JARID2: variants seen among roughly 807,000 people sequenced by gnomAD.
JARID2 encodes jumonji and AT-rich interaction domain containing 2, also known as protein Jumonji.
A neutral mutation model predicts 125.6 loss-of-function variants in JARID2; 21 were observed. The ratio of observed to expected loss-of-function variants is 0.17; its 90% CI spans 0.12 to 0.24. JARID2 has a LOEUF of 0.24. Ranked by LOEUF, JARID2 falls within the 10% of genes least tolerant of loss-of-function variation. The pLI, the probability that JARID2 is intolerant of heterozygous loss-of-function variation, is 1.00. For missense variants in JARID2, 1,303 were observed against 1,639.6 expected (o/e 0.79, Z 3.55); for synonymous variants, 736 against 661.6 (o/e 1.11, Z -1.73).
At chr6:15,428,668 G>A (rs1056625344) in intron 3 of JARID2, among the ~76,000 whole-genome samples, 2 of 152,152 alleles carry the variant, frequency 1.3e-5, no homozygotes, top group African/African-American at 4.8e-5. Flanking sequence ...CACTTTGAGA[G>A]GCCAAGACTG....
chr6:15,468,671 C>T lies in JARID2; in HGVS notation c.623C>T (p.Ser208Leu), dbSNP rs182974887. The change falls in exon 5 of 18, where the codon TCG (serine) becomes TTG (leucine). Residue 208 changes from serine (S) to leucine (L), a missense_variant. Around this residue, in one of 11 missense-constraint regions of JARID2, gnomAD observed 651 missense variants for 581.6 expected, o/e 1.12. Coordinates refer to ENST00000341776, the MANE Select transcript of JARID2 (RefSeq NM_004973.4). The stretch of plus-strand genomic sequence containing the variant: ...AACAATGCTTCATCTTCATGCCAGT[C>T]GACCCCCAGGAAAGGAAAAACCCAC... ...ATNNASSSCQ[S>L]TPRKGKTHKH... 16 of 1,613,758 alleles carry T rather than the reference C, an allele frequency of 9.9e-6. No individual in the cohort carries two copies. Among genetic ancestry groups the T allele is most frequent in the African/African-American group, 2.7e-5 (2 of 74,976 alleles).
chr6:15,344,518 A>AT (rs1380436407), intron 1 of JARID2, among the ~76,000 whole-genome samples: 1 of 150,874 alleles, frequency 6.6e-6, no homozygotes, highest in East Asian at 2.0e-4. Context: ...CAGTTCACCC[A>AT]TTTAAAGTGT....
At chr6:15,251,954 G>A (rs1759472998) in intron 1 of JARID2, among the ~76,000 whole-genome samples, 1 of 151,996 alleles carries the variant, frequency 6.6e-6, no homozygotes, top group South Asian at 2.1e-4. Flanking sequence ...GGAGGTTGCA[G>A]TGAGCCGCTT....
intron 6 of JARID2, among the ~76,000 whole-genome samples, chr6:15,490,379 T>A (rs1278074707): frequency 6.6e-6 from 1 of 152,118 alleles, no homozygotes; most frequent in African/African-American, 2.4e-5. Flanking sequence ...TATAATGAAC[T>A]GTGTGGGTGC....
At chr6:15,379,322 G>A (rs1030779972) in intron 2 of JARID2, among the ~76,000 whole-genome samples, 1 of 152,160 alleles carries the variant, frequency 6.6e-6, no homozygotes, top group Non-Finnish European at 1.5e-5. Flanking sequence ...TGAGCCTTCT[G>A]TCTACTTTTT....
intron 1 of JARID2, among the ~76,000 whole-genome samples, chr6:15,368,142 T>TTG (rs1764041850): frequency 6.6e-6 from 1 of 152,254 alleles, no homozygotes; most frequent in Non-Finnish European, 1.5e-5. Context: ...CCTTTTTGTC[T>TTG]TGTAAAGCAG....
intron 1 of JARID2, among the ~76,000 whole-genome samples, chr6:15,354,658 T>G (rs1763538143): frequency 6.6e-6 from 1 of 152,182 alleles, no homozygotes; most frequent in African/African-American, 2.4e-5. Flanking sequence ...AGTAAACAGC[T>G]GGGATTTGAA....
intron 1 of JARID2, among the ~76,000 whole-genome samples, chr6:15,316,283 G>A (rs1046100116): frequency 1.3e-5 from 2 of 151,976 alleles, no homozygotes; most frequent in Non-Finnish European, 2.9e-5. Context: ...TTTTAGTAGA[G>A]ACAGGGTTTT....
Position 15,507,047 on chromosome 6 carries a change from C to T in JARID2, c.2542-89C>T, listed in dbSNP as rs73724429. 6.9e-5 allele frequency: 55 copies of T among 795,542 alleles called. No homozygotes were observed. The African/African-American group carries it at 8.4e-4, about 12-fold the overall frequency. 49.3% of individuals were successfully genotyped at this position (795,542 alleles called of 1,614,324 possible). A position where few individuals can be genotyped will look rare whatever the true frequency, so the allele number is the denominator to read the frequency against. ...TGTTCTGAGGGGTGTGTGCACCAGG[C>T]ATTCGTGTCCCAGTTTTGTTGGGTT... On this transcript the variant is annotated intron_variant, in intron 9 of 17. Transcript: ENST00000341776.
At chr6:15,433,098 G>A (rs990045059) in intron 3 of JARID2, among the ~76,000 whole-genome samples, 2 of 152,272 alleles carry the variant, frequency 1.3e-5, no homozygotes, top group South Asian at 2.1e-4. Context: ...GCACCACTCC[G>A]AGGGCTCTAT....
At chr6:15,425,960 A>G (rs888490304) in intron 3 of JARID2, among the ~76,000 whole-genome samples, 3 of 152,202 alleles carry the variant, frequency 2.0e-5, no homozygotes, top group Non-Finnish European at 4.4e-5. Flanking sequence ...TGGGTAAGTC[A>G]GTCCTCTTTG....
At chr6:15,382,375 G>A (rs68117211) in intron 2 of JARID2, among the ~76,000 whole-genome samples, 19,719 of 152,234 alleles carry the variant, frequency 0.13, 1,455 homozygotes, top group East Asian at 0.17. Flanking sequence ...GTATATCCAT[G>A]AGCCTTGCAA....
At chr6:15,348,520 T>C (rs1446960117) in intron 1 of JARID2, among the ~76,000 whole-genome samples, 1 of 152,246 alleles carries the variant, frequency 6.6e-6, no homozygotes, top group African/African-American at 2.4e-5. Context: ...GTTCAGAGTC[T>C]TCATAAGCTC....
At chr6:15,383,471 A>G (rs1764668268) in intron 2 of JARID2, among the ~76,000 whole-genome samples, 1 of 151,648 alleles carries the variant, frequency 6.6e-6, no homozygotes, top group African/African-American at 2.4e-5. Context: ...ACATGTTCTT[A>G]TTTTTCCCAT....
At chr6:15,504,659 C>A in intron 9 of JARID2, 67 bp downstream of exon 9, 1 of 970,414 alleles carries the variant, frequency 1.0e-6, no homozygotes, top group Non-Finnish European at 1.7e-6. Flanking sequence ...TGGAGGACAT[C>A]CTGTCCTGCC....
At chr6:15,296,493 C>T (rs1233697661) in intron 1 of JARID2, among the ~76,000 whole-genome samples, 1 of 152,122 alleles carries the variant, frequency 6.6e-6, no homozygotes, top group Admixed American at 6.5e-5. Context: ...CAAATGTTAA[C>T]CATAGCATAT....
chr6:15,299,348 G>C (rs1761523832), intron 1 of JARID2, among the ~76,000 whole-genome samples: 1 of 152,112 alleles, frequency 6.6e-6, no homozygotes, highest in Admixed American at 6.6e-5. Flanking sequence ...GTACAACAGA[G>C]GTGTGTTTGG....
chr6:15,325,824 T>G (rs1183730688), intron 1 of JARID2, among the ~76,000 whole-genome samples: 1 of 152,172 alleles, frequency 6.6e-6, no homozygotes, highest in African/African-American at 2.4e-5. Flanking sequence ...TTCCAGATAC[T>G]ACATGATATG....
chr6:15,331,681 C>G (rs1046252620), intron 1 of JARID2, among the ~76,000 whole-genome samples: 1 of 152,032 alleles, frequency 6.6e-6, no homozygotes, highest in Admixed American at 6.6e-5. Flanking sequence ...GTCTGACCAA[C>G]ATGGAGAAAC....
Sources: allele counts gnomAD v4.1 joint callset (sites outside exome capture counted in the v4.1 genomes callset), GRCh38; gene constraint gnomAD v4.1.1; regional missense constraint gnomAD v4.1.1; transcripts MANE v1.5; gene names NCBI Gene and HGNC (gene_info 2026-07-23, HGNC 2026-07-21).